Variants in FAM193A observed in about 807,000 individuals in gnomAD.
FAM193A encodes family with sequence similarity 193 member A.
In FAM193A, 22 loss-of-function variants were observed where a neutral mutation model predicts 126.5. That is an observed-to-expected ratio of 0.17 (90% CI 0.12 to 0.25). The LOEUF (loss-of-function observed/expected upper bound fraction) is 0.25, where lower values mean the gene tolerates loss of function less well. FAM193A is among the 10% of genes least tolerant of loss of function. The pLI is 1.00. For missense variants in FAM193A, 1,675 were observed against 1,672.8 expected, an observed-to-expected ratio of 1.00 and a Z score of -0.02; for synonymous variants, 761 against 646.8, an observed-to-expected ratio of 1.18 and a Z score of -2.68.
intron 20 of FAM193A, among the ~76,000 whole-genome samples, chr4:2,720,647 T>TAA (rs200511084): frequency 5.8e-4 from 69 of 118,814 alleles, no homozygotes; most frequent in African/African-American, 1.6e-3. Flanking sequence ...AGACTCTGTC[T>TAA]AAAAAAAAAA....
At chr4:2,708,214 C>T (rs1270868326) in intron 19 of FAM193A, 1 of 442,670 alleles carries the variant, frequency 2.3e-6, no homozygotes, top group Non-Finnish European at 4.6e-6. Context: ...CAACCTTCGC[C>T]TCCCAGGTTC....
intron 2 of FAM193A, among the ~76,000 whole-genome samples, chr4:2,624,921 G>T (rs1396205669): frequency 6.6e-6 from 1 of 152,178 alleles, no homozygotes; most frequent in Non-Finnish European, 1.5e-5. Context: ...AGTGGGGCAT[G>T]ATCACGGCTG....
chr4:2,686,131 G>A (rs889757413), intron 13 of FAM193A, among the ~76,000 whole-genome samples: 3 of 152,188 alleles, frequency 2.0e-5, no homozygotes, highest in South Asian at 4.1e-4. Flanking sequence ...ATTGAGGTCA[G>A]TAGGCATCTT....
intron 1 of FAM193A, among the ~76,000 whole-genome samples, chr4:2,540,447 G>A (rs542852008): frequency 2.0e-5 from 3 of 151,962 alleles, no homozygotes; most frequent in South Asian, 2.1e-4. Flanking sequence ...CAGCCTGGGC[G>A]ACAGAGCGAG....
At chr4:2,563,550 C>T (rs549535044) in intron 1 of FAM193A, among the ~76,000 whole-genome samples, 22 of 151,924 alleles carry the variant, frequency 1.4e-4, no homozygotes, top group African/African-American at 5.1e-4. Flanking sequence ...AAAAAAACCT[C>T]CCAAAACCAA....
intron 19 of FAM193A, among the ~76,000 whole-genome samples, chr4:2,706,722 T>C (rs1350428637): frequency 1.3e-5 from 2 of 151,370 alleles, no homozygotes; most frequent in Non-Finnish European, 2.9e-5. Context: ...TGTTGTAATA[T>C]CTCGTAGGGC....
intron 2 of FAM193A, among the ~76,000 whole-genome samples, chr4:2,616,888 G>C (rs1243548808): frequency 1.4e-5 from 2 of 148,102 alleles, no homozygotes; most frequent in Non-Finnish European, 3.0e-5. Context: ...ATTTTAAGTG[G>C]CTGGGCGTGG....
intron 1 of FAM193A, among the ~76,000 whole-genome samples, chr4:2,560,625 G>A (rs1738552757): frequency 6.6e-6 from 1 of 152,170 alleles, no homozygotes; most frequent in Non-Finnish European, 1.5e-5. Flanking sequence ...GTTGTTAACT[G>A]ATGGTTTTTA....
chr4:2,633,600 T>TA (rs1306473812), intron 5 of FAM193A, among the ~76,000 whole-genome samples: 2 of 151,252 alleles, frequency 1.3e-5, no homozygotes, highest in Non-Finnish European at 1.5e-5. Context: ...TACTAGATAA[T>TA]AAAAAAATAA....
chr4:2,548,490 TC>T (rs1194797174), intron 1 of FAM193A, among the ~76,000 whole-genome samples: 1 of 152,018 alleles, frequency 6.6e-6, no homozygotes, highest in Non-Finnish European at 1.5e-5. Flanking sequence ...AGTGTCTCAT[TC>T]CGTCACCCAG....
chr4:2,626,945 G>A (rs996519295), intron 4 of FAM193A, among the ~76,000 whole-genome samples: 53 of 150,788 alleles, frequency 3.5e-4, no homozygotes, highest in African/African-American at 1.2e-3. Context: ...GGCCGAGTTA[G>A]CCCATTTATG....
intron 20 of FAM193A, among the ~76,000 whole-genome samples, chr4:2,723,573 C>CA (rs35028433): frequency 0.42 from 55,433 of 133,502 alleles, 10,803 homozygotes; most frequent in Admixed American, 0.57. Context: ...GACTCCGTCT[C>CA]AAAAAAAAAA....
At chr4:2,617,262 A>ATATATATATTT (rs1553895173) in intron 2 of FAM193A, among the ~76,000 whole-genome samples, 1 of 25,072 alleles carries the variant, frequency 4.0e-5, no homozygotes, top group Admixed American at 3.4e-4. Context: ...ATATATATAT[A>ATATATATATTT]TTTTTTTTTT....
chr4:2,667,984 A>G (rs1221276383), intron 12 of FAM193A, among the ~76,000 whole-genome samples: 2 of 152,152 alleles, frequency 1.3e-5, no homozygotes, highest in African/African-American at 2.4e-5. Context: ...CCTCACTGCA[A>G]CCTCAAGCTC....
At chr4:2,645,161 T>C (rs1248587588) in intron 6 of FAM193A, among the ~76,000 whole-genome samples, 1 of 152,166 alleles carries the variant, frequency 6.6e-6, no homozygotes, top group Non-Finnish European at 1.5e-5. Context: ...TTCTAGTGTT[T>C]TTATGTAAAT....
At chr4:2,615,103 T>C (rs1381503608) in intron 2 of FAM193A, 1 of 152,260 alleles carries the variant, frequency 6.6e-6, no homozygotes, top group Non-Finnish European at 1.5e-5. Flanking sequence ...CCTCTACTTA[T>C]TTTGTATTTA....
chr4:2,660,817 A>T (rs1445027566), intron 10 of FAM193A, among the ~76,000 whole-genome samples: 3 of 152,170 alleles, frequency 2.0e-5, no homozygotes, highest in Non-Finnish European at 2.9e-5. Flanking sequence ...GTTTTCCTTC[A>T]GTCTTTCCAT....
intron 5 of FAM193A, among the ~76,000 whole-genome samples, chr4:2,636,944 A>G (rs539402275): frequency 6.6e-6 from 1 of 152,178 alleles, no homozygotes; most frequent in South Asian, 2.1e-4. Context: ...TTTACTGGAG[A>G]ATGCCCTCAC....
At chr4:2,578,450 G>GT (rs67824037) in intron 1 of FAM193A, among the ~76,000 whole-genome samples, 425 of 149,864 alleles carry the variant, frequency 2.8e-3, no homozygotes, top group African/African-American at 7.8e-3. Context: ...TTCTTGGTAG[G>GT]TTTTTTTTTT....
Sources: gnomAD v4.1 joint callset for allele counts (sites outside exome capture counted in the v4.1 genomes callset) on GRCh38, gnomAD v4.1.1 for gene constraint, MANE v1.5 for transcripts, NCBI Gene and HGNC (gene_info 2026-07-23, HGNC 2026-07-21) for gene names.